HABP4: variants seen among roughly 807,000 people sequenced by gnomAD.
HABP4 encodes the protein intracellular hyaluronan-binding protein 4.
HABP4 carries 32 observed loss-of-function variants against 44.1 expected under a neutral mutation model. The observed-to-expected ratio is 0.73, with a 90% CI of 0.55 to 0.97. HABP4 has a LOEUF of 0.97. Among genes scored for constraint, HABP4 ranks in the 50% least tolerant of loss-of-function variants. The probability of loss-of-function intolerance (pLI) is 0.00; values close to 1 mark genes in which losing one functional copy is unlikely to be tolerated. For synonymous variants in HABP4, 216 were observed against 218.0 expected (o/e 0.99, Z 0.08); for missense variants, 503 against 561.9 (o/e 0.90, Z 1.06).
At chr9:96,452,182 G>C (rs191461979) in intron 1 of HABP4, among the ~76,000 whole-genome samples, 3,473 of 147,714 alleles carry the variant, frequency 0.024, 54 homozygotes, top group Non-Finnish European at 0.038. Context: ...AGCCGAGATC[G>C]AGCCACTGTA....
At chr9:96,479,244 C>T (rs66840538) in intron 5 of HABP4, among the ~76,000 whole-genome samples, 22,044 of 152,032 alleles carry the variant, frequency 0.14, 2,173 homozygotes, top group East Asian at 0.29. Flanking sequence ...TCATTTGTTG[C>T]ACATAAAACA....
chr9:96,466,145 G>A (rs145722432), intron 4 of HABP4, among the ~76,000 whole-genome samples: 70 of 152,180 alleles, frequency 4.6e-4, no homozygotes, highest in African/African-American at 1.5e-3. Flanking sequence ...CAAGGTGGAC[G>A]GATCACTTGA....
chr9:96,456,781 ATATAT>A (rs1478915461), intron 1 of HABP4, among the ~76,000 whole-genome samples: 66 of 30,134 alleles, frequency 2.2e-3, no homozygotes, highest in African/African-American at 5.9e-3. Flanking sequence ...AAAAAAAAAA[ATATAT>A]ATATATATAT....
chr9:96,480,558 TA>T (rs1200795254), intron 5 of HABP4, among the ~76,000 whole-genome samples: 2 of 152,254 alleles, frequency 1.3e-5, no homozygotes, highest in African/African-American at 4.8e-5. Flanking sequence ...TACCACTACC[TA>T]AATGCTACCA....
intron 2 of HABP4, among the ~76,000 whole-genome samples, chr9:96,463,350 G>A (rs1056208764): frequency 6.6e-6 from 1 of 152,138 alleles, no homozygotes; most frequent in African/African-American, 2.4e-5. Context: ...TGCCTCCTGG[G>A]TTCAAGCGAT....
intron 1 of HABP4, among the ~76,000 whole-genome samples, chr9:96,452,551 A>ATC (rs1300994933): frequency 6.6e-6 from 1 of 151,930 alleles, no homozygotes; most frequent in African/African-American, 2.4e-5. Context: ...GGTCTAAGTG[A>ATC]TCTGGCTTTT....
intron 6 of HABP4, among the ~76,000 whole-genome samples, chr9:96,485,477 G>A (rs1832958768): frequency 6.6e-6 from 1 of 152,202 alleles, no homozygotes; most frequent in South Asian, 2.1e-4. Context: ...GTCCCCGAAC[G>A]CTTGGCTGCT....
chr9:96,478,374 G>A (rs920675036), intron 5 of HABP4, among the ~76,000 whole-genome samples: 4 of 151,962 alleles, frequency 2.6e-5, no homozygotes, highest in Non-Finnish European at 5.9e-5. Context: ...CTTGTGATTC[G>A]CCCTCCTCGG....
At chr9:96,462,440 ACT>A (rs1832517522) in intron 2 of HABP4, among the ~76,000 whole-genome samples, 1 of 150,336 alleles carries the variant, frequency 6.7e-6, no homozygotes, top group Non-Finnish European at 1.5e-5. Flanking sequence ...GACAGATGAG[ACT>A]CTGTCTCTAA....
intron 6 of HABP4, among the ~76,000 whole-genome samples, chr9:96,485,358 T>A (rs1427182446): frequency 6.6e-6 from 1 of 152,212 alleles, no homozygotes; most frequent in Admixed American, 6.5e-5. Flanking sequence ...GCCGAGTAGT[T>A]GATGACTTTT....
intron 2 of HABP4, among the ~76,000 whole-genome samples, chr9:96,463,909 T>G (rs1007738699): frequency 2.0e-5 from 3 of 152,222 alleles, no homozygotes; most frequent in African/African-American, 7.2e-5. Context: ...ATTAAATAAG[T>G]AATTTCTTGT....
At chr9:96,477,730 C>A (rs1017753927) in intron 5 of HABP4, among the ~76,000 whole-genome samples, 1 of 152,160 alleles carries the variant, frequency 6.6e-6, no homozygotes, top group Non-Finnish European at 1.5e-5. Context: ...CAATAAATGG[C>A]ACATATTTAG....
At chr9:96,465,060 C>A (rs1433753874) in intron 2 of HABP4, among the ~76,000 whole-genome samples, 2 of 152,170 alleles carry the variant, frequency 1.3e-5, no homozygotes, top group Admixed American at 1.3e-4. Flanking sequence ...CTGGCCCCAC[C>A]ACTTAGCCTA....
chr9:96,450,450 G>T lies in HABP4; in HGVS notation c.171G>T (p.Arg57Ser). Residue 57 changes from arginine (R) to serine (S), a missense_variant, in exon 1 of 8, where the codon AGG (arginine) becomes AGT (serine). Transcript: ENST00000375249. This position sits in a 1 kb window ranked among gnomAD's most constrained non-coding sequence, Gnocchi z 4.8. Reference sequence around the variant, plus strand: ...GCCAGCAGCAGCTGCAGCGCAAGAGGCGCGACGAGGCGGCGGCGGCGGCCG... The same window carrying T: ...GCCAGCAGCAGCTGCAGCGCAAGAGTCGCGACGAGGCGGCGGCGGCGGCCG... ...RRRQQQLQRK[R>S]RDEAAAAAGA... The T allele has an allele frequency of 8.0e-7, 1 of 1,253,018 alleles. No homozygotes were observed. 77.6% of individuals were successfully genotyped at this position (1,253,018 alleles called of 1,614,324 possible). A position where few individuals can be genotyped will look rare whatever the true frequency, so the allele number is the denominator to read the frequency against.
At position 96,451,492 on chromosome 9, in the gene HABP4, A is replaced by G. The variant is rs1163490691; in HGVS notation, c.349+864A>G. 3.0e-6 allele frequency: 3 copies of G among 984,242 alleles called. No individual in the cohort carries two copies. In the East Asian group the frequency reaches 3.4e-4, roughly 112 times the overall value. 61.0% of individuals were successfully genotyped at this position (984,242 alleles called of 1,614,324 possible). A position where few individuals can be genotyped will look rare whatever the true frequency, so the allele number is the denominator to read the frequency against. ...ATGAGGCAGCGGTCCCAAGGTTTGC[A>G]GAGTGTTAGGATTAAGATGTGTAGG... On this transcript the variant is annotated intron_variant, in intron 1 of 7. Coordinates refer to ENST00000375249, the MANE Select transcript of HABP4 (RefSeq NM_014282.4).
chr9:96,451,499 T>C, intron 1 of HABP4: 1 of 983,276 alleles, frequency 1.0e-6, no homozygotes, highest in Non-Finnish European at 1.2e-6. Context: ...TGCAGAGTGT[T>C]AGGATTAAGA....
At chr9:96,484,179 C>G (rs1222013807) in intron 5 of HABP4, 1 of 247,426 alleles carries the variant, frequency 4.0e-6, no homozygotes, top group African/African-American at 2.2e-5. Flanking sequence ...GAAGGGAGTG[C>G]CAGTGGTGAA....
rs1833018869 is a variant in HABP4 at position 96,488,673 on chromosome 9, C to A, written c.1185+399C>A. Among the ~76,000 whole-genome samples the A allele has an allele frequency of 6.6e-6, 1 of 152,110 alleles. No homozygotes were observed. Reference sequence around the variant, plus strand: ...AGATCTCAAGCCCTTTGTGAGGGGACCTTCCTCAACCCCTCCCCGGCTCAC... The same window carrying A: ...AGATCTCAAGCCCTTTGTGAGGGGAACTTCCTCAACCCCTCCCCGGCTCAC... On this transcript the variant is annotated intron_variant, in intron 7 of 7. Transcript: ENST00000375249. This position sits in a 1 kb window ranked among gnomAD's most constrained non-coding sequence, Gnocchi z 4.6.
intron 6 of HABP4, among the ~76,000 whole-genome samples, chr9:96,486,807 C>T (rs1832983592): frequency 6.6e-6 from 1 of 152,040 alleles, no homozygotes; most frequent in African/African-American, 2.4e-5. Context: ...GCGGTGAAAG[C>T]ACTTGGGCCA....
Sources: gnomAD v4.1 joint callset for allele counts (sites outside exome capture counted in the v4.1 genomes callset) on GRCh38, gnomAD v4.1.1 for gene constraint, Gnocchi (gnomAD v3.1) non-coding constraint, MANE v1.5 for transcripts, NCBI Gene and HGNC (gene_info 2026-07-23, HGNC 2026-07-21) for gene names.